HEMK2: variants seen among roughly 807,000 people sequenced by gnomAD.
The protein encoded by HEMK2 is methyltransferase HEMK2.
At chr21:28,603,556 TG>T in the HEMK2 span, among the ~76,000 whole-genome samples, 218 of 117,996 alleles carry the variant, frequency 1.8e-3, 1 homozygote, top group Non-Finnish European at 3.4e-3. Flanking sequence ...TATATGTGTG[TG>T]TGTGTGTGTG....
At chr21:28,755,038 G>A in the HEMK2 span, among the ~76,000 whole-genome samples, 2 of 152,188 alleles carry the variant, frequency 1.3e-5, no homozygotes, top group Non-Finnish European at 2.9e-5. Flanking sequence ...GAGTTGGCCA[G>A]GCAGAGCTGA....
At chr21:28,671,266 G>A in the HEMK2 span, 1 of 152,240 alleles carries the variant, frequency 6.6e-6, no homozygotes, top group African/African-American at 2.4e-5. Context: ...AAGAAAGTGA[G>A]AACAGGCAGT....
At chr21:28,604,301 T>C in the HEMK2 span, among the ~76,000 whole-genome samples, 1 of 152,094 alleles carries the variant, frequency 6.6e-6, no homozygotes, top group African/African-American at 2.4e-5. Flanking sequence ...TTAGGAGAAA[T>C]ACCTAATGTA....
the HEMK2 span, among the ~76,000 whole-genome samples, chr21:28,654,831 G>C: frequency 6.6e-6 from 1 of 152,080 alleles, no homozygotes; most frequent in Non-Finnish European, 1.5e-5. Context: ...TAAAAACAGA[G>C]GTTTGGCAGC....
the HEMK2 span, among the ~76,000 whole-genome samples, chr21:28,603,609 G>C: frequency 5.9e-5 from 8 of 136,750 alleles, no homozygotes; most frequent in Admixed American, 3.9e-4. Context: ...GGTTGCAAGG[G>C]GAAAGTAACA....
At chr21:28,650,577 T>C in the HEMK2 span, among the ~76,000 whole-genome samples, 6 of 152,194 alleles carry the variant, frequency 3.9e-5, no homozygotes, top group East Asian at 7.7e-4. Context: ...GGTTTCCAAA[T>C]TGGGCAATGG....
chr21:28,643,786 G>C, the HEMK2 span, among the ~76,000 whole-genome samples: 7 of 152,320 alleles, frequency 4.6e-5, no homozygotes, highest in African/African-American at 1.7e-4. Context: ...ATGATAATTT[G>C]TTCTAGCAGC....
chr21:28,745,049 T>C, the HEMK2 span, among the ~76,000 whole-genome samples: 2 of 152,214 alleles, frequency 1.3e-5, no homozygotes, highest in East Asian at 1.9e-4. Context: ...GAAGTATACA[T>C]ACAGTAGCCA....
chr21:28,625,907 A>G, the HEMK2 span, among the ~76,000 whole-genome samples: 1 of 152,184 alleles, frequency 6.6e-6, no homozygotes, highest in Non-Finnish European at 1.5e-5. Flanking sequence ...TGTAAAAGAA[A>G]GGATTTAAAA....
chr21:28,857,538 T>C, the HEMK2 span, among the ~76,000 whole-genome samples: 1 of 152,182 alleles, frequency 6.6e-6, no homozygotes, highest in Non-Finnish European at 1.5e-5. Flanking sequence ...TTTTCCCAAA[T>C]TTTTTCCTCA....
the HEMK2 span, among the ~76,000 whole-genome samples, chr21:28,735,240 G>A: frequency 6.6e-6 from 1 of 152,204 alleles, no homozygotes; most frequent in East Asian, 1.9e-4. Flanking sequence ...TAACTCAGAA[G>A]TCTAGTACAA....
chr21:28,860,243 C>G, the HEMK2 span, among the ~76,000 whole-genome samples: 1 of 152,030 alleles, frequency 6.6e-6, no homozygotes, highest in Non-Finnish European at 1.5e-5. Flanking sequence ...AGAAAAGAAG[C>G]AGGCAGAAAA....
At chr21:28,791,119 C>T in the HEMK2 span, among the ~76,000 whole-genome samples, 1 of 152,150 alleles carries the variant, frequency 6.6e-6, no homozygotes, top group Non-Finnish European at 1.5e-5. Flanking sequence ...CCAACCTTGG[C>T]TGCATGTTAA....
chr21:28,786,167 G>C, the HEMK2 span, among the ~76,000 whole-genome samples: 1 of 152,106 alleles, frequency 6.6e-6, no homozygotes, highest in African/African-American at 2.4e-5. Context: ...TCTGGTTCTG[G>C]CTTCATAACT....
the HEMK2 span, among the ~76,000 whole-genome samples, chr21:28,864,897 A>AGAGATAGAT: frequency 1.3e-5 from 1 of 75,760 alleles, no homozygotes; most frequent in Non-Finnish European, 3.2e-5. Context: ...GATGATAGAT[A>AGAGATAGAT]GATATAGATA....
chr21:28,594,244 A>G, the HEMK2 span, among the ~76,000 whole-genome samples: 3 of 152,244 alleles, frequency 2.0e-5, no homozygotes, highest in Non-Finnish European at 4.4e-5. Flanking sequence ...CTGAGCAGAC[A>G]TGAGGACAAA....
the HEMK2 span, among the ~76,000 whole-genome samples, chr21:28,588,764 A>T: frequency 1.6e-4 from 25 of 152,166 alleles, no homozygotes; most frequent in African/African-American, 5.5e-4. Flanking sequence ...AGGTCGGATC[A>T]CAAGGTCAGG....
the HEMK2 span, among the ~76,000 whole-genome samples, chr21:28,836,583 A>T: frequency 6.6e-6 from 1 of 152,194 alleles, no homozygotes; most frequent in Non-Finnish European, 1.5e-5. Context: ...AATACAAGCT[A>T]AAAAGCAAAA....
At chr21:28,781,252 T>C in the HEMK2 span, among the ~76,000 whole-genome samples, 1 of 152,238 alleles carries the variant, frequency 6.6e-6, no homozygotes, top group African/African-American at 2.4e-5. Flanking sequence ...CAACTCAAAG[T>C]ACTCCCTGAA....
Sources: gnomAD v4.1 joint callset for allele counts (sites outside exome capture counted in the v4.1 genomes callset) on GRCh38, gnomAD v4.1.1 for gene constraint, MANE v1.5 for transcripts, NCBI Gene and HGNC (gene_info 2026-07-23, HGNC 2026-07-21) for gene names.